Variants in ASPH observed in about 807,000 individuals in gnomAD.
ASPH encodes the protein aspartyl/asparaginyl beta-hydroxylase.
A neutral mutation model predicts 118.4 loss-of-function variants in ASPH; 100 were observed. The observed-to-expected ratio is 0.84, with a 90% CI of 0.72 to 1.00. ASPH has a LOEUF of 1.00. ASPH is among the 50% of genes least tolerant of loss of function. ASPH has a pLI of 0.00. For synonymous variants in ASPH, 315 were observed against 325.6 expected, an observed-to-expected ratio of 0.97 and a Z score of 0.35; for missense variants, 920 against 919.5, an observed-to-expected ratio of 1.00 and a Z score of -0.01.
chr8:61,687,715 T>A (rs899406494), intron 1 of ASPH: 1 of 152,174 alleles, frequency 6.6e-6, no homozygotes, highest in Non-Finnish European at 1.5e-5. Context: ...CATTAAAACA[T>A]AGAAGAAATG....
chr8:61,695,320 TACA>T (rs1833671814), intron 1 of ASPH, among the ~76,000 whole-genome samples: 1 of 152,238 alleles, frequency 6.6e-6, no homozygotes, highest in South Asian at 2.1e-4. Context: ...CGAGATAAAA[TACA>T]ACATCTTCCA....
chr8:61,587,684 C>G (rs1250178941), intron 14 of ASPH, among the ~76,000 whole-genome samples: 1 of 152,210 alleles, frequency 6.6e-6, no homozygotes, highest in Admixed American at 6.5e-5. Context: ...AAAAATCTCA[C>G]AGCATGCCAC....
At chr8:61,654,922 G>C (rs1588727003) in intron 3 of ASPH, among the ~76,000 whole-genome samples, 1 of 152,166 alleles carries the variant, frequency 6.6e-6, no homozygotes, top group Non-Finnish European at 1.5e-5. Context: ...TAGAGATGAA[G>C]GCCTAGTAAA....
At chr8:61,584,874 C>T (rs1212061301) in intron 14 of ASPH, among the ~76,000 whole-genome samples, 2 of 152,068 alleles carry the variant, frequency 1.3e-5, no homozygotes, top group African/African-American at 4.8e-5. Flanking sequence ...CTGTGAAAAA[C>T]GTGCCTATCC....
chr8:61,710,391 C>CTG (rs1472361298), intron 1 of ASPH, among the ~76,000 whole-genome samples: 1 of 152,148 alleles, frequency 6.6e-6, no homozygotes, highest in Non-Finnish European at 1.5e-5. Context: ...AGCCTTTATC[C>CTG]AAGTTCCTCT....
intron 17 of ASPH, among the ~76,000 whole-genome samples, chr8:61,563,369 G>A (rs1016358503): frequency 8.5e-5 from 13 of 152,140 alleles, no homozygotes; most frequent in African/African-American, 2.9e-4. Flanking sequence ...AATGACAAGT[G>A]TACTCATCTC....
chr8:61,637,171 CT>C (rs1858200046), intron 12 of ASPH, among the ~76,000 whole-genome samples: 1 of 152,086 alleles, frequency 6.6e-6, no homozygotes, highest in South Asian at 2.1e-4. Context: ...CCCCTGGCAA[CT>C]TATGGTTGTT....
At chr8:61,535,329 G>A (rs917008787) in intron 21 of ASPH, among the ~76,000 whole-genome samples, 1 of 152,170 alleles carries the variant, frequency 6.6e-6, no homozygotes, top group African/African-American at 2.4e-5. Context: ...AAATTCGCAG[G>A]AGCAAAATAA....
intron 2 of ASPH, among the ~76,000 whole-genome samples, chr8:61,683,212 G>C (rs1828964994): frequency 6.6e-6 from 1 of 151,742 alleles, no homozygotes. Flanking sequence ...TAGGGGAAGG[G>C]GGTAACAAAA....
At chr8:61,611,883 A>T (rs923253858) in intron 14 of ASPH, among the ~76,000 whole-genome samples, 1 of 152,218 alleles carries the variant, frequency 6.6e-6, no homozygotes, top group Non-Finnish European at 1.5e-5. Flanking sequence ...AGTCCAGCCA[A>T]GTTAACTGTC....
At position 61,663,106 on chromosome 8, in the gene ASPH, A is replaced by T. The variant is rs1185500718; in HGVS notation, c.323-9446T>A. 3.0e-6 allele frequency: 3 copies of T among 985,384 alleles called. No individual in the cohort carries two copies. The African/African-American group carries it at 5.2e-5, about 17-fold the overall frequency. The allele number at this position is 985,384 out of a possible 1,614,324, so 61.0% of individuals were successfully genotyped here. Reference sequence around the variant, plus strand: ...AAAAACATTCCATTTATCTCAGGAGAAAAGATCTAACACGGGGATATGGTT... The same window carrying T: ...AAAAACATTCCATTTATCTCAGGAGTAAAGATCTAACACGGGGATATGGTT... On this transcript the variant is annotated intron_variant, in intron 3 of 24. Coordinates refer to ENST00000379454, the MANE Select transcript of ASPH (RefSeq NM_004318.4).
At chr8:61,567,026 A>T in intron 17 of ASPH, 142 bp downstream of exon 17, 2 of 1,029,836 alleles carry the variant, frequency 1.9e-6, no homozygotes, top group South Asian at 1.7e-5. Context: ...TGGTGAGCCT[A>T]GGACAGACAC....
At position 61,611,928 on chromosome 8, in the gene ASPH, C is replaced by T. The variant is rs554751966; in HGVS notation, c.976+7050G>A. On this transcript the variant is annotated intron_variant, in intron 14 of 24. Coordinates refer to ENST00000379454, the MANE Select transcript of ASPH (RefSeq NM_004318.4). The stretch of plus-strand genomic sequence containing the variant: ...CCAACAGTCCTCAGAAAGACCAAAA[C>T]AAATTCCAAAGTTGATATAACAAAT... Among the ~76,000 whole-genome samples, 45 of 151,620 alleles carry T rather than the reference C, an allele frequency of 3.0e-4. 1 individual carries two copies. The highest frequency in any genetic ancestry group is 1.0e-3 in the African/African-American group (43 of 41,328).
At chr8:61,675,302 T>C (rs532073284) in intron 3 of ASPH, 1 of 913,110 alleles carries the variant, frequency 1.1e-6, no homozygotes, top group East Asian at 1.2e-4. Context: ...AAGATACATA[T>C]TCACATGTTC....
chr8:61,505,194 CCAGG>C (rs967785698), intron 24 of ASPH, among the ~76,000 whole-genome samples: 5 of 152,144 alleles, frequency 3.3e-5, no homozygotes, highest in Admixed American at 3.3e-4. Flanking sequence ...CTTGCCGCCA[CCAGG>C]TAAGAAGTGC....
intron 24 of ASPH, among the ~76,000 whole-genome samples, chr8:61,509,160 T>C (rs1807837325): frequency 6.6e-6 from 1 of 152,132 alleles, no homozygotes; most frequent in Non-Finnish European, 1.5e-5. Flanking sequence ...AAAGTCATAG[T>C]GTTACTGGAA....
chr8:61,613,163 T>C (rs867443702), intron 14 of ASPH, among the ~76,000 whole-genome samples: 11 of 152,308 alleles, frequency 7.2e-5, no homozygotes, highest in Middle Eastern at 3.4e-3. Flanking sequence ...GCTGAGAAGG[T>C]ATTTTTGGTG....
intron 3 of ASPH, chr8:61,658,501 G>A (rs1332590463): frequency 6.6e-6 from 1 of 152,196 alleles, no homozygotes; most frequent in African/African-American, 2.4e-5. Context: ...AGGCACCTGG[G>A]ACAAGAGGAT....
At position 61,601,557 on chromosome 8, in the gene ASPH, G is replaced by GAA. The variant is rs796173074; in HGVS notation, c.976+17419_976+17420dup. 8.7e-3 allele frequency among the ~76,000 whole-genome samples: 950 copies of GAA among 109,188 alleles called. 5 individuals carry two copies. Among genetic ancestry groups the GAA allele is most frequent in the Middle Eastern group, 0.025 (5 of 202 alleles). 71.6% of individuals were successfully genotyped at this position (109,188 alleles called of 152,430 possible). ...TCCATCTCAAAAAAAGAGAGAGAGA[G>GAA]AAAAAAAAAAAACCTCAAAAAGGAA... is the stretch of plus-strand genomic sequence containing the variant. On this transcript the variant is annotated intron_variant, in intron 14 of 24. Transcript: ENST00000379454.
Sources: allele counts gnomAD v4.1 joint callset (sites outside exome capture counted in the v4.1 genomes callset), GRCh38; gene constraint gnomAD v4.1.1; transcripts MANE v1.5; gene names NCBI Gene and HGNC (gene_info 2026-07-23, HGNC 2026-07-21).